CHN1: variants seen among roughly 807,000 people sequenced by gnomAD.
The protein encoded by CHN1 is chimerin 1, also known as N-chimaerin.
A neutral mutation model predicts 59.5 loss-of-function variants in CHN1; 37 were observed. That is an observed-to-expected ratio of 0.62 (90% CI 0.48 to 0.82). CHN1 has a LOEUF of 0.82. CHN1 is among the 40% of genes least tolerant of loss of function. The pLI is 0.00. For missense variants in CHN1, 469 were observed against 571.0 expected, an observed-to-expected ratio of 0.82 and a Z score of 1.82; for synonymous variants, 206 against 200.4, an observed-to-expected ratio of 1.03 and a Z score of -0.24.
chr2:174,990,069 A>T (rs1283788837), intron 1 of CHN1, among the ~76,000 whole-genome samples: 4 of 152,118 alleles, frequency 2.6e-5, no homozygotes, highest in African/African-American at 4.8e-5. Flanking sequence ...GTAAAAGAAG[A>T]AGTTTTGATT....
intron 6 of CHN1, among the ~76,000 whole-genome samples, chr2:174,853,333 CAT>C (rs1280470596): frequency 6.6e-6 from 1 of 151,988 alleles, no homozygotes; most frequent in Non-Finnish European, 1.5e-5. Flanking sequence ...GGCTGACAAA[CAT>C]ATGAAAAAAT....
intron 5 of CHN1, among the ~76,000 whole-genome samples, chr2:174,881,445 A>C (rs1225024247): frequency 6.6e-6 from 1 of 152,182 alleles, no homozygotes; most frequent in East Asian, 1.9e-4. Context: ...ATCATTCGTC[A>C]GATTCTGCAT....
At chr2:174,906,688 T>C (rs1168195612) in intron 5 of CHN1, among the ~76,000 whole-genome samples, 2 of 152,128 alleles carry the variant, frequency 1.3e-5, no homozygotes, top group Non-Finnish European at 2.9e-5. Flanking sequence ...AATTTTATAA[T>C]ACATAGAAAC....
chr2:174,995,832 G>T (rs1043823145), intron 1 of CHN1, among the ~76,000 whole-genome samples: 2 of 152,158 alleles, frequency 1.3e-5, no homozygotes, highest in East Asian at 1.9e-4. Flanking sequence ...TAAAGTGCTT[G>T]TAAGTCACTT....
chr2:174,945,043 A>G, intron 2 of CHN1, 100 bp from the exon 3 acceptor site: 1 of 810,558 alleles, frequency 1.2e-6, no homozygotes, highest in African/African-American at 1.7e-5. Flanking sequence ...TCACAAGAAA[A>G]CTGGTATAAC....
At chr2:174,836,390 T>C (rs1458929728) in intron 7 of CHN1, among the ~76,000 whole-genome samples, 1 of 152,214 alleles carries the variant, frequency 6.6e-6, no homozygotes, top group African/African-American at 2.4e-5. Context: ...GTTCTACTGA[T>C]TCGTTCATGT....
In CHN1 at chr2:174,835,387, T is replaced by C. The variant is rs368284768; in HGVS notation, c.628-10869A>G. Among the ~76,000 whole-genome samples the C allele has an allele frequency of 3.3e-5, 5 of 152,326 alleles. No individual in the cohort carries two copies. In the East Asian group the frequency reaches 7.7e-4, roughly 23 times the overall value. ...TGCTTTCACCATATTTTTTTCTGTT[T>C]AGTGTTTAGTGTTCACTGCATTTTT... On this transcript the variant is annotated intron_variant, in intron 7 of 12. Coordinates refer to ENST00000409900, the MANE Select transcript of CHN1 (RefSeq NM_001822.7).
intron 3 of CHN1, among the ~76,000 whole-genome samples, chr2:174,938,100 TC>T (rs1324901048): frequency 6.6e-6 from 1 of 151,978 alleles, no homozygotes; most frequent in African/African-American, 2.4e-5. Context: ...CGCCTCAACC[TC>T]CCAAGTAGCT....
intron 2 of CHN1, 164 bp from the exon 3 acceptor site, chr2:174,945,107 T>TA: frequency 1.8e-6 from 1 of 558,486 alleles, no homozygotes; most frequent in Admixed American, 3.2e-5. Flanking sequence ...CAAAACTACA[T>TA]ATAGTGAAAG....
chr2:174,831,996 A>G (rs535712537), intron 7 of CHN1, among the ~76,000 whole-genome samples: 62 of 152,276 alleles, frequency 4.1e-4, no homozygotes, highest in African/African-American at 1.3e-3. Context: ...AGGTAACTGA[A>G]CACTGACATA....
At chr2:174,905,967 C>T (rs1040587632) in intron 5 of CHN1, among the ~76,000 whole-genome samples, 10 of 152,054 alleles carry the variant, frequency 6.6e-5, no homozygotes, top group Non-Finnish European at 1.2e-4. Context: ...AGAGATATAA[C>T]AAGTGTTGAA....
intron 1 of CHN1, among the ~76,000 whole-genome samples, chr2:174,990,626 T>C (rs1691517284): frequency 6.6e-6 from 1 of 152,182 alleles, no homozygotes; most frequent in African/African-American, 2.4e-5. Context: ...TATTAATCCA[T>C]CTTGTTCCTT....
intron 5 of CHN1, among the ~76,000 whole-genome samples, chr2:174,889,790 A>T (rs561063081): frequency 6.6e-6 from 1 of 152,280 alleles, no homozygotes; most frequent in Admixed American, 6.5e-5. Flanking sequence ...AAAGCAGCAG[A>T]GCTAATTTGA....
At chr2:174,990,696 C>A (rs1030308927) in intron 1 of CHN1, among the ~76,000 whole-genome samples, 3 of 152,156 alleles carry the variant, frequency 2.0e-5, no homozygotes, top group African/African-American at 7.2e-5. Context: ...TGAACCGACA[C>A]GCCCAGAGAA....
At chr2:174,901,062 A>C (rs1012065779) in intron 5 of CHN1, among the ~76,000 whole-genome samples, 1 of 152,208 alleles carries the variant, frequency 6.6e-6, no homozygotes, top group African/African-American at 2.4e-5. Flanking sequence ...GAGAAAAGGT[A>C]ACAAGTAACT....
At chr2:174,941,322 C>G (rs968602059) in intron 3 of CHN1, among the ~76,000 whole-genome samples, 1 of 152,140 alleles carries the variant, frequency 6.6e-6, no homozygotes, top group African/African-American at 2.4e-5. Flanking sequence ...AAAATCTAGT[C>G]CCTGGAAATA....
intron 3 of CHN1, among the ~76,000 whole-genome samples, chr2:174,927,516 A>G (rs866316723): frequency 2.0e-5 from 3 of 152,248 alleles, no homozygotes; most frequent in Non-Finnish European, 4.4e-5. Flanking sequence ...CACTAGAAAT[A>G]AGCAAGAAAA....
chr2:174,832,461 A>G (rs181433742), intron 7 of CHN1, among the ~76,000 whole-genome samples: 3 of 152,010 alleles, frequency 2.0e-5, no homozygotes, highest in African/African-American at 4.8e-5. Flanking sequence ...AAATTTCCTG[A>G]TAAGTACTAC....
intron 5 of CHN1, among the ~76,000 whole-genome samples, chr2:174,914,260 T>C (rs981401339): frequency 2.0e-5 from 3 of 152,160 alleles, no homozygotes; most frequent in East Asian, 3.9e-4. Flanking sequence ...TTCTTACAAG[T>C]TGGGTTATTA....
Sources: allele counts gnomAD v4.1 joint callset (sites outside exome capture counted in the v4.1 genomes callset), GRCh38; gene constraint gnomAD v4.1.1; transcripts MANE v1.5; gene names NCBI Gene and HGNC (gene_info 2026-07-23, HGNC 2026-07-21).